The following STK32B variants were observed in gnomAD, a reference collection of about 807,000 sequenced individuals.
The protein encoded by STK32B is serine/threonine kinase 32B, also known as serine/threonine-protein kinase 32B.
Under a neutral mutation model 52.6 loss-of-function variants are expected in STK32B, and 43 were observed. The observed-to-expected ratio is 0.82, with a 90% CI of 0.64 to 1.05. The LOEUF is 1.05. Among genes scored for constraint, STK32B ranks in the 50% least tolerant of loss-of-function variants. The pLI, the probability that STK32B is intolerant of heterozygous loss-of-function variation, is 0.00. For synonymous variants in STK32B, 238 were observed against 204.3 expected (o/e 1.17, Z -1.41); for missense variants, 621 against 534.6 (o/e 1.16, Z -1.59).
intron 2 of STK32B, among the ~76,000 whole-genome samples, chr4:5,162,148 A>G (rs1049297886): frequency 1.3e-5 from 2 of 152,138 alleles, no homozygotes; most frequent in African/African-American, 4.8e-5. Context: ...GCACAGCTCT[A>G]GCCTCTCTGT....
chr4:5,418,772 A>G (rs73095727), intron 6 of STK32B, among the ~76,000 whole-genome samples: 9,928 of 152,294 alleles, frequency 0.065, 999 homozygotes, highest in African/African-American at 0.22. Context: ...CTTATAAGGC[A>G]CTGTATATTG....
intron 4 of STK32B, among the ~76,000 whole-genome samples, chr4:5,393,650 A>G (rs1253810727): frequency 2.0e-5 from 3 of 152,144 alleles, no homozygotes; most frequent in African/African-American, 7.2e-5. Flanking sequence ...ACCACAACTC[A>G]CTATCATGAC....
intron 1 of STK32B, among the ~76,000 whole-genome samples, chr4:5,081,846 T>C (rs1167951356): frequency 6.6e-6 from 1 of 152,232 alleles, no homozygotes; most frequent in East Asian, 1.9e-4. Flanking sequence ...AAAACTATTA[T>C]TTTGAAATCT....
intron 1 of STK32B, among the ~76,000 whole-genome samples, chr4:5,138,324 A>G (rs1189848362): frequency 6.6e-6 from 1 of 152,206 alleles, no homozygotes; most frequent in Non-Finnish European, 1.5e-5. Flanking sequence ...CAAGGAACTA[A>G]TTGTATTCAT....
chr4:5,483,607 A>C (rs1359163234), intron 11 of STK32B, among the ~76,000 whole-genome samples: 1 of 151,794 alleles, frequency 6.6e-6, no homozygotes. Flanking sequence ...CTCTGATCTT[A>C]GTTATTTCTT....
At chr4:5,052,911 T>A (rs141004949) in intron 1 of STK32B, among the ~76,000 whole-genome samples, 1 of 152,336 alleles carries the variant, frequency 6.6e-6, no homozygotes, top group Non-Finnish European at 1.5e-5. Context: ...ATCCTTTTCA[T>A]GCCCCTTGAG....
chr4:5,156,477 C>G (rs1717857305), intron 2 of STK32B, among the ~76,000 whole-genome samples: 1 of 152,170 alleles, frequency 6.6e-6, no homozygotes, highest in South Asian at 2.1e-4. Flanking sequence ...AGCCCCTACT[C>G]TTCACTCTCC....
At chr4:5,483,384 T>A (rs562040763) in intron 11 of STK32B, among the ~76,000 whole-genome samples, 3 of 152,104 alleles carry the variant, frequency 2.0e-5, no homozygotes, top group African/African-American at 7.3e-5. Context: ...TAGAGGTGTT[T>A]ATAGTGTTCT....
At chr4:5,361,240 C>T (rs77552095) in intron 4 of STK32B, among the ~76,000 whole-genome samples, 16,347 of 152,184 alleles carry the variant, frequency 0.11, 1,415 homozygotes, top group Admixed American at 0.22. Context: ...TTGGCTTGCT[C>T]CCACCTTTTG....
At position 5,499,419 on chromosome 4, in the gene STK32B, G is replaced by T. The variant is rs919218750; in HGVS notation, c.*336G>T. ...TTGATATTTATAAAATCATTTTTACGTGCAAAATATAACCTTAATATTTGA... is the reference window on the plus strand; with the variant it reads ...TTGATATTTATAAAATCATTTTTACTTGCAAAATATAACCTTAATATTTGA... On this transcript the variant is annotated 3_prime_UTR_variant, in exon 12 of 12. Transcript: ENST00000282908. 1 of 260,148 alleles carries T rather than the reference G, an allele frequency of 3.8e-6. No individual in the cohort carries two copies. The highest frequency in any genetic ancestry group is 7.2e-6 in the Non-Finnish European group (1 of 139,146). 16.1% of individuals were successfully genotyped at this position (260,148 alleles called of 1,614,324 possible).
At chr4:5,062,040 G>A (rs1037195621) in intron 1 of STK32B, among the ~76,000 whole-genome samples, 1 of 152,144 alleles carries the variant, frequency 6.6e-6, no homozygotes, top group Non-Finnish European at 1.5e-5. Flanking sequence ...TAGCAGGAAG[G>A]TTGACCAAAA....
intron 6 of STK32B, among the ~76,000 whole-genome samples, chr4:5,426,237 A>G (rs4017773): frequency 0.16 from 24,575 of 152,058 alleles, 2,755 homozygotes; most frequent in East Asian, 0.41. Flanking sequence ...TGTCCTTGCC[A>G]GTACTTGGTA....
chr4:5,261,920 TA>T (rs1356846430), intron 3 of STK32B, among the ~76,000 whole-genome samples: 1 of 152,118 alleles, frequency 6.6e-6, no homozygotes, highest in African/African-American at 2.4e-5. Flanking sequence ...CAAATGCAAT[TA>T]AAAACTGCAA....
In STK32B at chr4:5,399,486, TG is replaced by T. The variant is rs1345921979; in HGVS notation, c.472+1247del. On this transcript the variant is annotated intron_variant, in intron 5 of 11. Transcript: ENST00000282908. The surrounding 1 kb of genome is among the most constrained non-coding windows in gnomAD (Gnocchi z 5.4). ...GATGCTGGAACCAGACTAAGTGCTT[TG>T]GGGGCAGTAGGATTGAACTCACTGT... 6.6e-6 allele frequency among the ~76,000 whole-genome samples: 1 copy of T among 152,152 alleles called. No homozygotes were observed. Among genetic ancestry groups the T allele is most frequent in the Non-Finnish European group, 1.5e-5 (1 of 68,024 alleles).
intron 3 of STK32B, among the ~76,000 whole-genome samples, chr4:5,324,480 G>A (rs952437751): frequency 6.6e-6 from 1 of 152,206 alleles, no homozygotes; most frequent in African/African-American, 2.4e-5. Context: ...CGGGGTTAGG[G>A]AAGGCTTCTT....
intron 3 of STK32B, among the ~76,000 whole-genome samples, chr4:5,235,676 G>A (rs1348000980): frequency 1.3e-5 from 2 of 152,188 alleles, no homozygotes; most frequent in South Asian, 2.1e-4. Context: ...TTGTGGAATG[G>A]AGGCTGCTCA....
chr4:5,294,969 G>GT (rs1327544007), intron 3 of STK32B, among the ~76,000 whole-genome samples: 1 of 152,002 alleles, frequency 6.6e-6, no homozygotes, highest in Admixed American at 6.6e-5. Context: ...TTTATCGAGT[G>GT]TTTTTTAGCA....
At chr4:5,258,248 G>T (rs768430338) in intron 3 of STK32B, among the ~76,000 whole-genome samples, 2 of 152,206 alleles carry the variant, frequency 1.3e-5, no homozygotes, top group Non-Finnish European at 2.9e-5. Flanking sequence ...CGTGCAGGGG[G>T]ACAGTGCCTG....
intron 5 of STK32B, among the ~76,000 whole-genome samples, chr4:5,410,377 T>A (rs115569896): frequency 1.3e-3 from 193 of 151,848 alleles, no homozygotes; most frequent in Non-Finnish European, 2.1e-3. Context: ...AATTCAAGAA[T>A]GATGAAAGTG....
Sources: gnomAD v4.1 joint callset for allele counts (sites outside exome capture counted in the v4.1 genomes callset) on GRCh38, gnomAD v4.1.1 for gene constraint, Gnocchi (gnomAD v3.1) non-coding constraint, MANE v1.5 for transcripts, NCBI Gene and HGNC (gene_info 2026-07-23, HGNC 2026-07-21) for gene names.